Variants in MLF1 observed in about 807,000 individuals in gnomAD.
MLF1 encodes myeloid leukemia factor 1, also known as myelodysplasia-myeloid leukemia factor 1.
Under a neutral mutation model 38.3 loss-of-function variants are expected in MLF1, and 37 were observed. The ratio of observed to expected loss-of-function variants is 0.96; its 90% CI spans 0.74 to 1.27. The LOEUF (loss-of-function observed/expected upper bound fraction) is 1.27. Ranked by LOEUF, MLF1 falls within the 50% of genes most tolerant of loss-of-function variation. The pLI is 0.00. For missense variants in MLF1, 331 were observed against 349.2 expected, an observed-to-expected ratio of 0.95 and a Z score of 0.42; for synonymous variants, 95 against 106.5, an observed-to-expected ratio of 0.89 and a Z score of 0.66.
chr3:158,605,043 T>C, intron 7 of MLF1, 54 bp from the exon 8 acceptor site: 1 of 1,274,586 alleles, frequency 7.8e-7, no homozygotes, highest in East Asian at 2.4e-5. Context: ...TATTGATTTA[T>C]AAACCATTGG....
Position 158,602,866 on chromosome 3 carries a change from C to T in MLF1, c.673C>T (p.Arg225Ter), listed in dbSNP as rs747924457. ...TGAGGTTTTGAAGTACAAACCAGGA[C>T]GACACAATCTAGGAAACACTAGAAT... ...QSEVLKYKPG[R>*]HNLGNTRMRS... is the part of the protein sequence containing the mutation. Residue 225 changes from arginine to a stop codon, truncating the protein, a stop_gained, in exon 7 of 8, where the codon CGA (arginine) becomes TGA (stop). Coordinates refer to ENST00000466246, the MANE Select transcript of MLF1 (RefSeq NM_001369783.1). LOFTEE classifies it high-confidence loss of function. The T allele has an allele frequency of 8.7e-6, 14 of 1,613,402 alleles. No individual in the cohort carries two copies. Among genetic ancestry groups the T allele is most frequent in the African/African-American group, 4.0e-5 (3 of 74,858 alleles).
intron 6 of MLF1, 138 bp from the exon 7 acceptor site, chr3:158,602,669 A>T (rs752450986): frequency 5.9e-6 from 4 of 682,802 alleles, no homozygotes; most frequent in Non-Finnish European, 9.0e-6. Flanking sequence ...AGACCCTTAT[A>T]TTTGAAGCAG....
intron 1 of MLF1, among the ~76,000 whole-genome samples, chr3:158,583,198 C>T (rs1716688224): frequency 6.6e-6 from 1 of 152,130 alleles, no homozygotes; most frequent in Admixed American, 6.5e-5. Flanking sequence ...AATTTGCAGT[C>T]ACTCCACTCT....
chr3:158,591,310 T>A (rs1168836813), intron 1 of MLF1, among the ~76,000 whole-genome samples: 1 of 151,674 alleles, frequency 6.6e-6, no homozygotes, highest in Non-Finnish European at 1.5e-5. Context: ...TAGGCGTACG[T>A]CACCACACCC....
At chr3:158,572,562 G>A (rs1444518632) in intron 1 of MLF1, among the ~76,000 whole-genome samples, 6 of 127,196 alleles carry the variant, frequency 4.7e-5, no homozygotes, top group Middle Eastern at 5.0e-3. Flanking sequence ...GGTGGGAAGG[G>A]CTTGAGAGCA....
intron 1 of MLF1, among the ~76,000 whole-genome samples, chr3:158,583,503 G>A (rs997038918): frequency 6.6e-6 from 1 of 152,142 alleles, no homozygotes; most frequent in Non-Finnish European, 1.5e-5. Flanking sequence ...AAAAAGGTAT[G>A]TCTATTCGCT....
At chr3:158,602,381 T>A (rs1032870085) in intron 6 of MLF1, among the ~76,000 whole-genome samples, 1 of 152,200 alleles carries the variant, frequency 6.6e-6, no homozygotes, top group Non-Finnish European at 1.5e-5. Context: ...TAACCTGTCT[T>A]AGGAAATTGA....
chr3:158,575,101 A>G (rs1348996693), intron 1 of MLF1, among the ~76,000 whole-genome samples: 1 of 152,214 alleles, frequency 6.6e-6, no homozygotes, highest in African/African-American at 2.4e-5. Flanking sequence ...AATAGTAAGC[A>G]TACAGAAGAA....
chr3:158,588,717 C>T lies in MLF1; in HGVS notation c.48-3717C>T, dbSNP rs188152166. Reference sequence around the variant, plus strand: ...ACTACAAATCTACAAAAAGTTTATACGTGTGTTTCTGCATCATAAAAAACA... The same window carrying T: ...ACTACAAATCTACAAAAAGTTTATATGTGTGTTTCTGCATCATAAAAAACA... On this transcript the variant is annotated intron_variant, in intron 1 of 7. Coordinates refer to ENST00000466246, the MANE Select transcript of MLF1 (RefSeq NM_001369783.1). 56 of 280,740 alleles carry T rather than the reference C, an allele frequency of 2.0e-4. 1 individual carries two copies. The East Asian group carries it at 3.7e-3, about 19-fold the overall frequency. The allele number at this position is 280,740 out of a possible 1,614,324, so 17.4% of individuals were successfully genotyped here.
chr3:158,594,349 C>T (rs1718589757), intron 3 of MLF1, among the ~76,000 whole-genome samples: 1 of 152,136 alleles, frequency 6.6e-6, no homozygotes, highest in Non-Finnish European at 1.5e-5. Context: ...GAGGAAACAG[C>T]ATGTGCAAAG....
At chr3:158,599,483 A>G (rs1394724736) in intron 5 of MLF1, among the ~76,000 whole-genome samples, 2 of 152,222 alleles carry the variant, frequency 1.3e-5, no homozygotes, top group African/African-American at 4.8e-5. Context: ...CTGCTAATTA[A>G]TCTCAGACAT....
chr3:158,575,529 CTTAAG>C (rs1371919526), intron 1 of MLF1, among the ~76,000 whole-genome samples: 3 of 152,096 alleles, frequency 2.0e-5, no homozygotes, highest in Admixed American at 1.3e-4. Context: ...GTATCCATTT[CTTAAG>C]TTAAACATAA....
intron 1 of MLF1, chr3:158,573,535 G>T (rs1188280005): frequency 2.0e-5 from 3 of 151,848 alleles, no homozygotes; most frequent in Non-Finnish European, 4.4e-5. Context: ...ATTTATTTTT[G>T]AGTTGTGGGA....
chr3:158,573,736 A>T (rs1560093049), intron 1 of MLF1, among the ~76,000 whole-genome samples: 1 of 152,130 alleles, frequency 6.6e-6, no homozygotes, highest in Admixed American at 6.5e-5. Context: ...AGCATTTTTT[A>T]AAAAGGTCTT....
intron 1 of MLF1, among the ~76,000 whole-genome samples, chr3:158,578,585 G>C (rs1190136285): frequency 6.6e-6 from 1 of 151,874 alleles, no homozygotes; most frequent in Non-Finnish European, 1.5e-5. Flanking sequence ...TAAGAGTTAA[G>C]ACATAAACAC....
chr3:158,598,260 A>G, intron 5 of MLF1, 52 bp downstream of exon 5: 1 of 1,576,220 alleles, frequency 6.3e-7, no homozygotes, highest in Non-Finnish European at 8.6e-7. Context: ...GGGATGATAG[A>G]CTGTCTAGAT....
chr3:158,601,748 T>TC (rs397765343), intron 6 of MLF1, among the ~76,000 whole-genome samples: 1 of 147,202 alleles, frequency 6.8e-6, no homozygotes, highest in Non-Finnish European at 1.5e-5. Context: ...AGAGCAAGAC[T>TC]GTGTTGGGTG....
chr3:158,598,080 G>C lies in MLF1; in HGVS notation c.325G>C (p.Gly109Arg). Reference sequence around the variant, plus strand: ...GAATTTACAATTTGTTTACCTGTAGGGTCAACTTTCAGTGGATCCAAATGG... The same window carrying C: ...GAATTTACAATTTGTTTACCTGTAGCGTCAACTTTCAGTGGATCCAAATGG... ...NYMQKLERNF[G>R]QLSVDPNGHS... Residue 109 changes from glycine to arginine, a missense_variant and splice_region_variant, in exon 5 of 8, where the codon GGT becomes CGT. Transcript: ENST00000466246. The C allele has an allele frequency of 6.2e-7, 1 of 1,612,072 alleles. No homozygotes were observed. The highest frequency in any genetic ancestry group is 8.5e-7 in the Non-Finnish European group (1 of 1,179,354).
rs548833788 is a variant in MLF1, at chr3:158,593,411, C to T, written c.225C>T (p.Gly75=). ...CGAGTTGTTCTCTTGTGCCTTTTGG[C>T]GATTTTGGTGGTATGGTTCGTATCT... ...TATSCSLVPF[G]DFGGMHTDVS... The change falls in exon 3 of 8, where the codon GGC becomes GGT. Residue 75 remains glycine, a synonymous_variant. Transcript: ENST00000466246. The T allele has an allele frequency of 7.1e-6, 11 of 1,559,954 alleles. No homozygotes were observed. The highest frequency in any genetic ancestry group is 2.4e-5 in the South Asian group (2 of 85,010).
Sources: gnomAD v4.1 joint callset for allele counts (sites outside exome capture counted in the v4.1 genomes callset) on GRCh38, gnomAD v4.1.1 for gene constraint, MANE v1.5 for transcripts, NCBI Gene and HGNC (gene_info 2026-07-23, HGNC 2026-07-21) for gene names.